C16orf46: variants seen among roughly 807,000 people sequenced by gnomAD.
C16orf46 encodes the protein chromosome 16 open reading frame 46.
In C16orf46, 7 loss-of-function variants were observed where a neutral mutation model predicts 5.5. That is an observed-to-expected ratio of 1.28 (90% CI 0.73 to 2.40). The LOEUF (loss-of-function observed/expected upper bound fraction) is 2.40. C16orf46 is among the 30% of genes most tolerant of loss of function. The pLI, the probability that C16orf46 is intolerant of heterozygous loss-of-function variation, is 0.00. For synonymous variants in C16orf46, 200 were observed against 184.1 expected, an observed-to-expected ratio of 1.09 and a Z score of -0.70; for missense variants, 614 against 476.0, an observed-to-expected ratio of 1.29 and a Z score of -2.70.
chr16:81,061,182 G>A lies in C16orf46; in HGVS notation c.1167C>T (p.Val389=). The A allele has an allele frequency of 6.2e-7, 1 of 1,611,818 alleles. No individual in the cohort carries two copies. Among genetic ancestry groups the A allele is most frequent in the Non-Finnish European group, 8.5e-7 (1 of 1,178,568 alleles). The part of the protein sequence containing the change: ...SLTVSRVIIP[V]STHRIL ...CCGCTCAGAGGATCCTGTGGGTAGA[G>A]ACAGGAATGATAACTCTGCTCACTG... Residue 389 remains valine (V), a synonymous_variant, in exon 4 of 4, where the codon GTC becomes GTT. Transcript: ENST00000299578.
At chr16:81,058,148 A>G (rs1971360410), downstream of C16orf46, 1 of 152,472 alleles carries the variant, frequency 6.6e-6, no homozygotes, top group South Asian at 2.1e-4. Context: ...AAATGACAGA[A>G]CTAGGGAAAT....
At chr16:81,057,538 C>A (rs1248106103), downstream of C16orf46, among the ~76,000 whole-genome samples, 133 of 112,256 alleles carry the variant, frequency 1.2e-3, no homozygotes, top group African/African-American at 2.4e-3. Context: ...GACTCTGTCT[C>A]AAAAAAAAAA....
exon 4 of C16orf46, chr16:81,053,879 C>T (rs1418446511): frequency 3.6e-6 from 2 of 553,002 alleles, no homozygotes; most frequent in East Asian, 2.8e-5. Flanking sequence ...AAGAGCGAGC[C>T]GATGACCATG....
chr16:81,077,087 T>C (rs545941419), intron 1 of C16orf46, 49 bp downstream of exon 1: 2 of 152,264 alleles, frequency 1.3e-5, no homozygotes, highest in East Asian at 1.9e-4. Flanking sequence ...GCCTTTGGAG[T>C]GGTCCCGGGC....
intron 1 of C16orf46, among the ~76,000 whole-genome samples, chr16:81,070,096 G>C (rs745925342): frequency 1.1e-4 from 16 of 152,040 alleles, no homozygotes; most frequent in Non-Finnish European, 1.5e-4. Context: ...CTGCACTCCA[G>C]TCTAGGCGAC....
chr16:81,054,275 C>CAAAAAAAAAAAA (rs1971232445), intron 3 of C16orf46, among the ~76,000 whole-genome samples: 1 of 16,286 alleles, frequency 6.1e-5, no homozygotes, highest in Non-Finnish European at 1.1e-3. Context: ...ACAACAACAA[C>CAAAAAAAAAAAA]AACAACAAAA....
intron 1 of C16orf46, among the ~76,000 whole-genome samples, chr16:81,074,442 T>C (rs1018472137): frequency 7.9e-5 from 12 of 152,106 alleles, no homozygotes; most frequent in African/African-American, 2.7e-4. Flanking sequence ...TGGAGTACAG[T>C]GGTATGATCT....
chr16:81,074,020 G>A lies in C16orf46; in HGVS notation c.-128+3116C>T, dbSNP rs75819055. 3.1e-3 allele frequency among the ~76,000 whole-genome samples: 471 copies of A among 152,326 alleles called. 2 individuals carry two copies. Among genetic ancestry groups the A allele is most frequent in the African/African-American group, 0.011 (448 of 41,588 alleles). On this transcript the variant is annotated intron_variant, in intron 1 of 3. Transcript: ENST00000299578. The stretch of plus-strand genomic sequence containing the variant: ...GCTTAAGTACTTTCAACGACTGAGT[G>A]CTCGTAACTTTACAGGAATGTTTTT...
At chr16:81,064,867 C>G (rs192132658) in intron 2 of C16orf46, among the ~76,000 whole-genome samples, 70 of 152,260 alleles carry the variant, frequency 4.6e-4, no homozygotes, top group African/African-American at 1.6e-3. Context: ...CAAACCCTGC[C>G]AAAACTTTGA....
At chr16:81,074,152 G>A (rs576078929) in intron 1 of C16orf46, among the ~76,000 whole-genome samples, 2 of 152,236 alleles carry the variant, frequency 1.3e-5, no homozygotes, top group South Asian at 2.1e-4. Context: ...ATGCAAATCT[G>A]AAAACATCTG....
rs757009701 is a variant in C16orf46, at chr16:81,061,666, T to G, written c.683A>C (p.Lys228Thr). Residue 228 changes from lysine to threonine, a missense_variant, in exon 4 of 4, where the codon AAG becomes ACG. Coordinates refer to ENST00000299578, the MANE Select transcript of C16orf46 (RefSeq NM_152337.3). ...LSNALDVLGK[K>T]SKNSFLQSEE... ...TGACTGCAAGAAAGAGTTCTTACTCTTCTTACCCAGAACATCCAAAGCATT... is the reference window on the plus strand; with the variant it reads ...TGACTGCAAGAAAGAGTTCTTACTCGTCTTACCCAGAACATCCAAAGCATT... 1 of 1,614,100 alleles carries G rather than the reference T, an allele frequency of 6.2e-7. No homozygotes were observed. Among genetic ancestry groups the G allele is most frequent in the Non-Finnish European group, 8.5e-7 (1 of 1,180,042 alleles).
Position 81,061,810 on chromosome 16 carries a change from G to T in C16orf46, c.539C>A (p.Thr180Asn), listed in dbSNP as rs1428304612. 6.2e-7 allele frequency: 1 copy of T among 1,614,188 alleles called. No homozygotes were observed. The change falls in exon 4 of 4, where the codon ACT becomes AAT. Residue 180 changes from threonine to asparagine, a missense_variant. Physicochemically the swap from Thr to Asn is moderately conservative, Grantham distance 65 (BLOSUM62 0). Coordinates refer to ENST00000299578, the MANE Select transcript of C16orf46 (RefSeq NM_152337.3). The stretch of plus-strand genomic sequence containing the variant: ...ATTCCCAGAGGCCTTGCCCCTATTA[G>T]TGCCGGGGATGGCCCAGTCTTTGTT... Reference protein sequence around the residue: ...WCNKDWAIPGTNRGKASGNPS... With the variant: ...WCNKDWAIPGNNRGKASGNPS...
At chr16:81,056,744 C>G (rs1162842918), downstream of C16orf46, among the ~76,000 whole-genome samples, 2 of 147,690 alleles carry the variant, frequency 1.4e-5, no homozygotes, top group African/African-American at 5.0e-5. Context: ...TTCTTTGCTT[C>G]TTTCTAGAAA....
Position 81,061,533 on chromosome 16 carries a change from G to T in C16orf46, c.816C>A (p.His272Gln). The T allele has an allele frequency of 1.2e-6, 2 of 1,614,190 alleles. No individual in the cohort carries two copies. The highest frequency in any genetic ancestry group is 1.1e-5 in the South Asian group (1 of 91,090). ...GEKRASELAK[H>Q]PMVNDTPSSP... ...AGGATGGCGTGTCGTTGACCATAGG[G>T]TGTTTGGCCAGCTCACTGGCTCTTT... Residue 272 changes from histidine to glutamine, a missense_variant, in exon 4 of 4, where the codon CAC becomes CAA. Coordinates refer to ENST00000299578, the MANE Select transcript of C16orf46 (RefSeq NM_152337.3).
In C16orf46 at chr16:81,061,089, T is replaced by A; in HGVS notation, c.*72A>T. 6.7e-7 allele frequency: 1 copy of A among 1,491,138 alleles called. No individual in the cohort carries two copies. The highest frequency in any genetic ancestry group is 8.9e-7 in the Non-Finnish European group (1 of 1,118,860). The allele number at this position is 1,491,138 out of a possible 1,614,324, so 92.4% of individuals were successfully genotyped here. A position where few individuals can be genotyped will look rare whatever the true frequency, so the allele number is the denominator to read the frequency against. ...GAGAGAGTGGGGGGTGGGTGGGAAATGAGAGAGAAGAAAGAGAAAGGATGG... is the reference window on the plus strand; with the variant it reads ...GAGAGAGTGGGGGGTGGGTGGGAAAAGAGAGAGAAGAAAGAGAAAGGATGG... On this transcript the variant is annotated 3_prime_UTR_variant, in exon 4 of 4. Transcript: ENST00000299578.
At chr16:81,072,946 G>A (rs986426270) in intron 1 of C16orf46, among the ~76,000 whole-genome samples, 72 of 152,116 alleles carry the variant, frequency 4.7e-4, no homozygotes, top group African/African-American at 1.5e-3. Context: ...CAAGTGATCC[G>A]TCCGCCTCAG....
At chr16:81,064,746 CA>C (rs35014883) in intron 2 of C16orf46, among the ~76,000 whole-genome samples, 112,582 of 122,302 alleles carry the variant, frequency 0.92, 51,941 homozygotes, top group South Asian at 0.98. Flanking sequence ...GACTCTGTCT[CA>C]AAAAAAAAAA....
At position 81,072,328 on chromosome 16, in the gene C16orf46, CAA is replaced by C. The variant is rs34242284; in HGVS notation, c.-128+4806_-128+4807del. On this transcript the variant is annotated intron_variant, in intron 1 of 3. Coordinates refer to ENST00000299578, the MANE Select transcript of C16orf46 (RefSeq NM_152337.3). ...GTTCGTGTAATGATTATACCTGATG[CAA>C]AAAAAAAAAAAAAAAAGAATAAAAA... 721 of 102,796 alleles carry C rather than the reference CAA, an allele frequency of 7.0e-3. 10 individuals are homozygous for C. Among genetic ancestry groups the C allele is most frequent in the East Asian group, 0.064 (248 of 3,878 alleles). The allele number at this position is 102,796 out of a possible 1,614,324, so 6.4% of individuals were successfully genotyped here.
chr16:81,057,426 G>A (rs1020001799), downstream of C16orf46, among the ~76,000 whole-genome samples: 1 of 151,554 alleles, frequency 6.6e-6, no homozygotes, highest in African/African-American at 2.4e-5. Flanking sequence ...GTGCACACCT[G>A]TAATCCCACC....
Sources: allele counts gnomAD v4.1 joint callset (sites outside exome capture counted in the v4.1 genomes callset), GRCh38; gene constraint gnomAD v4.1.1; transcripts MANE v1.5; gene names NCBI Gene and HGNC (gene_info 2026-07-23, HGNC 2026-07-21).